CTNNBIP1: variants seen among roughly 807,000 people sequenced by gnomAD.
CTNNBIP1 encodes the protein catenin beta interacting protein 1.
In CTNNBIP1, 7 loss-of-function variants were observed where a neutral mutation model predicts 11.8. The observed-to-expected ratio is 0.60, with a 90% CI of 0.34 to 1.12. The LOEUF (loss-of-function observed/expected upper bound fraction) is 1.12, where lower values mean the gene tolerates loss of function less well. CTNNBIP1 is among the 50% of genes most tolerant of loss of function. The pLI is 0.03. For missense variants in CTNNBIP1, 101 were observed against 113.4 expected (o/e 0.89, Z 0.50); for synonymous variants, 58 against 43.9 (o/e 1.32, Z -1.26).
intron 1 of CTNNBIP1, among the ~76,000 whole-genome samples, chr1:9,885,664 A>G (rs1393069133): frequency 1.3e-5 from 2 of 150,736 alleles, no homozygotes; most frequent in Admixed American, 1.3e-4. Flanking sequence ...AAAAAAGAGG[A>G]CAGGTGCGGT....
intron 1 of CTNNBIP1, among the ~76,000 whole-genome samples, chr1:9,900,132 T>C (rs1353209139): frequency 6.8e-6 from 1 of 146,396 alleles, no homozygotes; most frequent in East Asian, 2.1e-4. Context: ...GGCCGGGTGC[T>C]GTGGCTCACG....
intron 1 of CTNNBIP1, among the ~76,000 whole-genome samples, chr1:9,909,714 T>A (rs535087467): frequency 2.6e-4 from 39 of 151,494 alleles, no homozygotes; most frequent in African/African-American, 9.5e-4. Flanking sequence ...GGCCCAGCGT[T>A]TAGTTTGGGG....
Position 9,895,021 on chromosome 1 carries a change from C to A in CTNNBIP1, c.-143-11283G>T, listed in dbSNP as rs550974012. ...TTCCCAGGTTCACACCATTCTCCTG[C>A]CTCAGCCTCCCAAGGAGCTGGGACT... On this transcript the variant is annotated intron_variant, in intron 1 of 5. Transcript: ENST00000377263. Among the ~76,000 whole-genome samples the A allele has an allele frequency of 4.6e-5, 7 of 151,956 alleles. No individual in the cohort carries two copies. In the South Asian group the frequency reaches 1.5e-3, roughly 32 times the overall value.
chr1:9,876,790 A>G (rs1638976027), intron 3 of CTNNBIP1, among the ~76,000 whole-genome samples: 1 of 152,056 alleles, frequency 6.6e-6, no homozygotes, highest in South Asian at 2.1e-4. Flanking sequence ...TACAATGAAA[A>G]GACATTAAGG....
chr1:9,871,884 G>T lies in CTNNBIP1; in HGVS notation c.96+85C>A. The T allele has an allele frequency of 8.2e-7, 1 of 1,223,264 alleles. No individual in the cohort carries two copies. Among genetic ancestry groups the T allele is most frequent in the Non-Finnish European group, 1.2e-6 (1 of 833,704 alleles). 75.8% of individuals were successfully genotyped at this position (1,223,264 alleles called of 1,614,324 possible). A position where few individuals can be genotyped will look rare whatever the true frequency, so the allele number is the denominator to read the frequency against. On this transcript the variant is annotated intron_variant, in intron 4 of 5. Transcript: ENST00000377263. This position sits in a 1 kb window ranked among gnomAD's most constrained non-coding sequence, Gnocchi z 5.2. Reference sequence around the variant, plus strand: ...GGCTCCGCAGGAGGCAGCCGCAGTGGCTCCACCCTCCAATAGCCCAGCAGG... The same window carrying T: ...GGCTCCGCAGGAGGCAGCCGCAGTGTCTCCACCCTCCAATAGCCCAGCAGG...
chr1:9,892,590 CAA>C (rs879310827), intron 1 of CTNNBIP1, among the ~76,000 whole-genome samples: 6 of 129,226 alleles, frequency 4.6e-5, no homozygotes, highest in Admixed American at 8.0e-5. Context: ...GAGACTGTCT[CAA>C]AAAAAAAAAA....
At chr1:9,880,946 C>T (rs1487027099) in intron 2 of CTNNBIP1, among the ~76,000 whole-genome samples, 1 of 152,218 alleles carries the variant, frequency 6.6e-6, no homozygotes, top group East Asian at 1.9e-4. Flanking sequence ...GGGCTGGCTT[C>T]CTGGGCCTGA....
At chr1:9,875,555 G>A (rs1184647674) in intron 3 of CTNNBIP1, among the ~76,000 whole-genome samples, 1 of 152,246 alleles carries the variant, frequency 6.6e-6, no homozygotes, top group African/African-American at 2.4e-5. Context: ...CTGCCCAGCT[G>A]TGGGCCTGCG....
rs1490894276 is a variant in CTNNBIP1 at position 9,850,177 on chromosome 1, CA to C, written c.*540del. On this transcript the variant is annotated 3_prime_UTR_variant, in exon 6 of 6. Coordinates refer to ENST00000377263, the MANE Select transcript of CTNNBIP1 (RefSeq NM_020248.3). ...GCACTTGGTTTCTTTCTTTTCAAGT[CA>C]AATATAACGACTAATGTCCCAGACC... 3 of 152,696 alleles carry C rather than the reference CA, an allele frequency of 2.0e-5. No homozygotes were observed. The highest frequency in any genetic ancestry group is 7.2e-5 in the African/African-American group (3 of 41,444). 9.5% of individuals were successfully genotyped at this position (152,696 alleles called of 1,614,324 possible). A position where few individuals can be genotyped will look rare whatever the true frequency, so the allele number is the denominator to read the frequency against.
intron 5 of CTNNBIP1, among the ~76,000 whole-genome samples, chr1:9,864,820 G>C (rs1325670322): frequency 1.3e-5 from 2 of 152,220 alleles, no homozygotes; most frequent in Non-Finnish European, 2.9e-5. Context: ...TATAGGTGGA[G>C]GGCCCAGGGT....
rs190543589 is a variant in CTNNBIP1, at chr1:9,874,557, C to T, written c.-24-2469G>A. 3.3e-3 allele frequency among the ~76,000 whole-genome samples: 506 copies of T among 152,328 alleles called. 1 individual carries two copies. The highest frequency in any genetic ancestry group is 3.6e-3 in the Non-Finnish European group (244 of 68,028). ...GGCATGAGCCACCATGCCCGCCTGT[C>T]CTGATTTTCTGAAAGTGCCCTGTTG... On this transcript the variant is annotated intron_variant, in intron 3 of 5. Coordinates refer to ENST00000377263, the MANE Select transcript of CTNNBIP1 (RefSeq NM_020248.3).
At chr1:9,887,888 G>A (rs1001001315) in intron 1 of CTNNBIP1, among the ~76,000 whole-genome samples, 1 of 149,910 alleles carries the variant, frequency 6.7e-6, no homozygotes, top group East Asian at 2.1e-4. Flanking sequence ...GCAGTGGTGC[G>A]ATCTCAGCTC....
At chr1:9,903,728 G>A (rs1194376318) in intron 1 of CTNNBIP1, among the ~76,000 whole-genome samples, 1 of 152,166 alleles carries the variant, frequency 6.6e-6, no homozygotes, top group African/African-American at 2.4e-5. Context: ...GCTTGCCCAG[G>A]GTCAGACAAG....
intron 5 of CTNNBIP1, among the ~76,000 whole-genome samples, chr1:9,859,944 G>A (rs1485938786): frequency 6.6e-6 from 1 of 152,062 alleles, no homozygotes; most frequent in African/African-American, 2.4e-5. Context: ...AACATGGTGG[G>A]GTCTGCTTTC....
At chr1:9,889,215 A>G (rs1052303296) in intron 1 of CTNNBIP1, among the ~76,000 whole-genome samples, 8 of 152,158 alleles carry the variant, frequency 5.3e-5, no homozygotes, top group Non-Finnish European at 1.0e-4. Context: ...CCTCCCACGC[A>G]CTGAGGCAGG....
chr1:9,891,781 A>AT (rs70998316), intron 1 of CTNNBIP1, among the ~76,000 whole-genome samples: 28,129 of 81,406 alleles, frequency 0.35, 7,726 homozygotes, highest in Non-Finnish European at 0.48. Flanking sequence ...ATCTCTTTAA[A>AT]TTTTTTTTTT....
rs781320726 is a variant in CTNNBIP1, at chr1:9,872,085, A to G, written c.-21T>C. The G allele has an allele frequency of 1.9e-6, 3 of 1,569,306 alleles. No homozygotes were observed. The highest frequency in any genetic ancestry group is 2.2e-5 in the East Asian group (1 of 44,650). On this transcript the variant is annotated 5_prime_UTR_variant, in exon 4 of 6. Coordinates refer to ENST00000377263, the MANE Select transcript of CTNNBIP1 (RefSeq NM_020248.3). The surrounding 1 kb of genome is among the most constrained non-coding windows in gnomAD (Gnocchi z 4.0). ...TTCATCCCCCTGCCTGGCTCTGGGG[A>G]CTCCTGCAGAGCAAGCAACAGCATC...
intron 1 of CTNNBIP1, among the ~76,000 whole-genome samples, chr1:9,894,322 C>G (rs773202611): frequency 1.3e-5 from 2 of 152,154 alleles, no homozygotes; most frequent in Non-Finnish European, 2.9e-5. Flanking sequence ...CCTACATAAC[C>G]ACAATATCAT....
chr1:9,866,180 T>C (rs1199843032), intron 5 of CTNNBIP1, among the ~76,000 whole-genome samples: 3 of 152,190 alleles, frequency 2.0e-5, no homozygotes, highest in Admixed American at 2.0e-4. Flanking sequence ...CTGAGGTACA[T>C]GCACATGTGA....
Sources: allele counts gnomAD v4.1 joint callset (sites outside exome capture counted in the v4.1 genomes callset), GRCh38; gene constraint gnomAD v4.1.1; non-coding constraint Gnocchi (gnomAD v3.1); transcripts MANE v1.5; gene names NCBI Gene and HGNC (gene_info 2026-07-23, HGNC 2026-07-21).